INO80E: variants seen among roughly 807,000 people sequenced by gnomAD.
The protein encoded by INO80E is INO80 complex subunit E.
Under a neutral mutation model 27.3 loss-of-function variants are expected in INO80E, and 20 were observed. The observed-to-expected ratio is 0.73, with a 90% CI of 0.51 to 1.06. The LOEUF (loss-of-function observed/expected upper bound fraction) is 1.06. INO80E is among the 50% of genes least tolerant of loss of function. The probability of loss-of-function intolerance (pLI) is 0.00; values close to 1 mark genes in which losing one functional copy is unlikely to be tolerated. For missense variants in INO80E, 357 were observed against 322.8 expected (o/e 1.11, Z -0.81); for synonymous variants, 167 against 145.9 (o/e 1.14, Z -1.04).
intron 5 of INO80E, 137 bp downstream of exon 5, chr16:30,001,177 T>C: frequency 6.8e-7 from 1 of 1,472,148 alleles, no homozygotes; most frequent in Non-Finnish European, 9.0e-7. Context: ...CCGTGGAGGG[T>C]GTGAGTCGGG....
At chr16:30,001,270 C>T (rs1011652077) in intron 5 of INO80E, 144 bp from the exon 6 acceptor site, 18 of 1,490,084 alleles carry the variant, frequency 1.2e-5, no homozygotes, top group Middle Eastern at 3.5e-4. Context: ...TGCTGCTGCC[C>T]GGCCCTTCTG....
chr16:30,001,452 C>T lies in INO80E; in HGVS notation c.435C>T (p.Tyr145=). ...SSRYPPFPSD[Y]LALQLPEPSP... ...GCTACCCCCCATTCCCTTCTGACTACCTGGCCCTGCAGCTGCCCGAGCCCA... is the reference window on the plus strand; with the variant it reads ...GCTACCCCCCATTCCCTTCTGACTATCTGGCCCTGCAGCTGCCCGAGCCCA... Residue 145 remains tyrosine, a synonymous_variant, in exon 6 of 7, where the codon TAC becomes TAT. Transcript: ENST00000563197. The T allele has an allele frequency of 2.5e-6, 4 of 1,612,548 alleles. No homozygotes were observed. The highest frequency in any genetic ancestry group is 3.4e-6 in the Non-Finnish European group (4 of 1,179,398).
At chr16:29,996,695 A>C in intron 2 of INO80E, 78 bp downstream of exon 2, 1 of 1,587,950 alleles carries the variant, frequency 6.3e-7, no homozygotes, top group South Asian at 1.1e-5. Flanking sequence ...GAGTAGGGCC[A>C]CAAGTGCATG....
rs1025869615 is a variant in INO80E, at chr16:30,003,315, G to A, written c.513+1785G>A. ...TAGTGGGAAGGGAGACAGGGCCACA[G>A]GGAAAGCACTGCCTGGGCCAGAGCA... On this transcript the variant is annotated intron_variant, in intron 6 of 6. Transcript: ENST00000563197. This position sits in a 1 kb window ranked among gnomAD's most constrained non-coding sequence, Gnocchi z 4.4. 1 of 152,548 alleles carries A rather than the reference G, an allele frequency of 6.6e-6. No individual in the cohort carries two copies. Among genetic ancestry groups the A allele is most frequent in the African/African-American group, 2.4e-5 (1 of 41,426 alleles). 9.4% of individuals were successfully genotyped at this position (152,548 alleles called of 1,614,324 possible). A position where few individuals can be genotyped will look rare whatever the true frequency, so the allele number is the denominator to read the frequency against.
chr16:30,005,607 G>A lies in INO80E; in HGVS notation c.*165G>A. ...AACATGCACGGGTGTCCCCCAGGAG[G>A]GTGGCAGGGGCCCTGCCTTCAAACC... On this transcript the variant is annotated 3_prime_UTR_variant, in exon 7 of 7. Transcript: ENST00000563197. 2 of 701,206 alleles carry A rather than the reference G, an allele frequency of 2.9e-6. No homozygotes were observed. Among genetic ancestry groups the A allele is most frequent in the Non-Finnish European group, 4.8e-6 (2 of 420,626 alleles). 43.4% of individuals were successfully genotyped at this position (701,206 alleles called of 1,614,324 possible). A position where few individuals can be genotyped will look rare whatever the true frequency, so the allele number is the denominator to read the frequency against.
At chr16:30,001,175 G>T in intron 5 of INO80E, 135 bp downstream of exon 5, 1 of 1,469,862 alleles carries the variant, frequency 6.8e-7, no homozygotes, top group Non-Finnish European at 9.0e-7. Context: ...TCCCGTGGAG[G>T]GTGTGAGTCG....
Position 30,005,699 on chromosome 16 carries a change from CAG to C in INO80E, c.*261_*262del. 1.8e-6 allele frequency: 1 copy of C among 545,460 alleles called. No homozygotes were observed. The highest frequency in any genetic ancestry group is 3.7e-5 in the Admixed American group (1 of 27,230). 33.8% of individuals were successfully genotyped at this position (545,460 alleles called of 1,614,324 possible). The stretch of plus-strand genomic sequence containing the variant: ...GAGCATCTGCCACCTGCTGGGGAGG[CAG>C]AGACCCTGCAATGGCCACCTCTTTA... On this transcript the variant is annotated 3_prime_UTR_variant, in exon 7 of 7. Coordinates refer to ENST00000563197, the MANE Select transcript of INO80E (RefSeq NM_173618.3).
chr16:30,001,244 G>C (rs1596674151), intron 5 of INO80E, 170 bp from the exon 6 acceptor site: 1 of 1,494,900 alleles, frequency 6.7e-7, no homozygotes, highest in East Asian at 2.5e-5. Context: ...GGAGAGCAAA[G>C]CCCAGGACAG....
intron 3 of INO80E, among the ~76,000 whole-genome samples, chr16:29,998,000 T>A (rs1377340833): frequency 1.3e-5 from 2 of 151,526 alleles, no homozygotes; most frequent in African/African-American, 4.9e-5. Flanking sequence ...GAGGATCCCT[T>A]GCCTGAAAGG....
In INO80E at chr16:29,996,279, G is replaced by A; in HGVS notation, c.-32G>A. ...CAGCCACTGCTTGGGGTAGCGGGAG[G>A]GCAGACTCTGGGCGCCACTCCCGGG... On this transcript the variant is annotated 5_prime_UTR_variant, in exon 1 of 7. Transcript: ENST00000563197. 1 of 1,559,982 alleles carries A rather than the reference G, an allele frequency of 6.4e-7. No homozygotes were observed. Among genetic ancestry groups the A allele is most frequent in the Non-Finnish European group, 8.7e-7 (1 of 1,151,220 alleles).
intron 6 of INO80E, chr16:30,002,831 AG>A (rs1454438461): frequency 1.3e-5 from 2 of 152,316 alleles, no homozygotes; most frequent in Non-Finnish European, 2.9e-5. Flanking sequence ...GGATGGGCTG[AG>A]GGGCAGAGCG....
chr16:29,999,079 GA>G (rs1209646776), intron 3 of INO80E, among the ~76,000 whole-genome samples: 4 of 152,244 alleles, frequency 2.6e-5, no homozygotes, highest in Non-Finnish European at 5.9e-5. Context: ...CTGAGGCAGG[GA>G]TTGGCATGTG....
chr16:30,004,976 C>T (rs1232498365), intron 6 of INO80E, among the ~76,000 whole-genome samples: 4 of 152,176 alleles, frequency 2.6e-5, no homozygotes, highest in African/African-American at 4.8e-5. Flanking sequence ...CGGGCCTTTC[C>T]CTCCCGGTTT....
intron 6 of INO80E, 121 bp from the exon 7 acceptor site, chr16:30,005,100 G>A: frequency 1.8e-6 from 2 of 1,121,668 alleles, no homozygotes; most frequent in South Asian, 2.0e-5. Context: ...GCATGGGTTG[G>A]CCCAGCTGTG....
At chr16:29,996,751 CAGG>C (rs1329475473) in intron 2 of INO80E, 54 bp from the exon 3 acceptor site, 1 of 1,602,474 alleles carries the variant, frequency 6.2e-7, no homozygotes, top group African/African-American at 1.3e-5. Context: ...GACAGGTACC[CAGG>C]AGGACATTGC....
chr16:29,996,482 G>A lies in INO80E; in HGVS notation c.82-65G>A, dbSNP rs1479998066. On this transcript the variant is annotated intron_variant, in intron 1 of 6. Transcript: ENST00000563197. ...AGGTGTAAAGTGGGTGGGGCGAGCG[G>A]CCGCTGGTTCCGGGGCCCTTCACGG... 1.2e-5 allele frequency: 19 copies of A among 1,551,112 alleles called. No individual in the cohort carries two copies. The South Asian group carries it at 2.3e-4, about 18-fold the overall frequency.
intron 3 of INO80E, among the ~76,000 whole-genome samples, chr16:29,998,179 T>TAAC (rs1045669026): frequency 1.3e-5 from 2 of 151,748 alleles, no homozygotes; most frequent in Admixed American, 6.6e-5. Context: ...TAGTCCCAGT[T>TAAC]ACTCGGGAGG....
intron 3 of INO80E, among the ~76,000 whole-genome samples, chr16:29,997,592 A>G (rs984906254): frequency 4.6e-5 from 7 of 152,176 alleles, no homozygotes; most frequent in Middle Eastern, 3.4e-3. Context: ...CGTCTCTACT[A>G]AAGATACAAA....
Position 30,005,726 on chromosome 16 carries a change from A to G in INO80E, c.*284A>G. 1.9e-6 allele frequency: 1 copy of G among 515,272 alleles called. No individual in the cohort carries two copies. 31.9% of individuals were successfully genotyped at this position (515,272 alleles called of 1,614,324 possible). A position where few individuals can be genotyped will look rare whatever the true frequency, so the allele number is the denominator to read the frequency against. On this transcript the variant is annotated 3_prime_UTR_variant, in exon 7 of 7. Transcript: ENST00000563197. ...GAGACCCTGCAATGGCCACCTCTTT[A>G]AAAGGGCAGCTGTACAGGGCTAGGT...
Sources: gnomAD v4.1 joint callset for allele counts (sites outside exome capture counted in the v4.1 genomes callset) on GRCh38, gnomAD v4.1.1 for gene constraint, Gnocchi (gnomAD v3.1) non-coding constraint, MANE v1.5 for transcripts, NCBI Gene and HGNC (gene_info 2026-07-23, HGNC 2026-07-21) for gene names.